CD38: variants seen among roughly 807,000 people sequenced by gnomAD.
CD38 encodes the protein CD38 molecule.
A neutral mutation model predicts 36.3 loss-of-function variants in CD38; 31 were observed. That is an observed-to-expected ratio of 0.85 (90% CI 0.64 to 1.15). The LOEUF (loss-of-function observed/expected upper bound fraction) is 1.15, where lower values mean the gene tolerates loss of function less well. Ranked by LOEUF, CD38 falls within the 50% of genes most tolerant of loss-of-function variation. The pLI, the probability that CD38 is intolerant of heterozygous loss-of-function variation, is 0.00. For synonymous variants in CD38, 131 were observed against 135.2 expected, an observed-to-expected ratio of 0.97 and a Z score of 0.22; for missense variants, 380 against 371.9, an observed-to-expected ratio of 1.02 and a Z score of -0.18.
At chr4:15,781,963 T>C (rs1722707454) in intron 1 of CD38, among the ~76,000 whole-genome samples, 1 of 152,194 alleles carries the variant, frequency 6.6e-6, no homozygotes, top group African/African-American at 2.4e-5. Flanking sequence ...TTTCACTTGG[T>C]GTCAGCTGGG....
intron 1 of CD38, among the ~76,000 whole-genome samples, chr4:15,780,516 T>TCACA (rs1178093082): frequency 3.6e-5 from 4 of 112,448 alleles, no homozygotes; most frequent in East Asian, 2.5e-4. Flanking sequence ...ATATTCTCTC[T>TCACA]CTCACACACA....
intron 3 of CD38, among the ~76,000 whole-genome samples, chr4:15,829,874 A>G (rs1183655067): frequency 2.6e-5 from 4 of 152,224 alleles, no homozygotes; most frequent in Non-Finnish European, 5.9e-5. Flanking sequence ...TATTTCACTT[A>G]ACATAATGAC....
At chr4:15,787,063 C>G (rs1039320175) in intron 1 of CD38, among the ~76,000 whole-genome samples, 1 of 152,194 alleles carries the variant, frequency 6.6e-6, no homozygotes, top group African/African-American at 2.4e-5. Flanking sequence ...ACCTGGAACT[C>G]GCGCTGGCCC....
intron 2 of CD38, among the ~76,000 whole-genome samples, chr4:15,818,484 C>T (rs1723654998): frequency 1.3e-5 from 2 of 152,212 alleles, no homozygotes; most frequent in Non-Finnish European, 2.9e-5. Context: ...ATTCTCCCAG[C>T]ACAGCACACC....
chr4:15,834,206 A>G lies in CD38; in HGVS notation c.500-11A>G, dbSNP rs1466361138. 9 of 1,545,086 alleles carry G rather than the reference A, an allele frequency of 5.8e-6. No individual in the cohort carries two copies. The highest frequency in any genetic ancestry group is 5.0e-5 in the Admixed American group (3 of 59,894). On this transcript the variant is annotated splice_polypyrimidine_tract_variant and intron_variant, in intron 3 of 7. Transcript: ENST00000226279. ...TTTTCCACTTTATTTTCTACAAACT[A>G]TGTCTTTTAGAAATAAACTATCAAT...
chr4:15,835,563 A>G (rs1724052617), intron 4 of CD38, among the ~76,000 whole-genome samples: 1 of 151,678 alleles, frequency 6.6e-6, no homozygotes, highest in Non-Finnish European at 1.5e-5. Flanking sequence ...TTTTCAGTAG[A>G]GACGGAGTTT....
intron 3 of CD38, among the ~76,000 whole-genome samples, chr4:15,828,327 T>C (rs1577655832): frequency 6.6e-6 from 1 of 152,204 alleles, no homozygotes; most frequent in Non-Finnish European, 1.5e-5. Context: ...CAAATACTTA[T>C]TTTTTGTAGT....
rs1166985624 is a variant in CD38 at position 15,826,797 on chromosome 4, T to C, written c.499+1781T>C. ...GTATATGAGATAGTTTATTTACCTA[T>C]ATCCCCACTAACACCAGGTATTGTT... On this transcript the variant is annotated intron_variant, in intron 3 of 7. Coordinates refer to ENST00000226279, the MANE Select transcript of CD38 (RefSeq NM_001775.4). 2.0e-5 allele frequency among the ~76,000 whole-genome samples: 3 copies of C among 152,276 alleles called. No homozygotes were observed. The East Asian group carries it at 5.8e-4, about 29-fold the overall frequency.
At chr4:15,815,495 A>T (rs1184836057) in intron 1 of CD38, among the ~76,000 whole-genome samples, 1 of 151,998 alleles carries the variant, frequency 6.6e-6, no homozygotes, top group Non-Finnish European at 1.5e-5. Flanking sequence ...TGTAAGTTGT[A>T]TTCCTAGGTA....
At chr4:15,808,963 T>G (rs1438697453) in intron 1 of CD38, among the ~76,000 whole-genome samples, 1 of 152,212 alleles carries the variant, frequency 6.6e-6, no homozygotes, top group Admixed American at 6.5e-5. Flanking sequence ...GTATGTGGTC[T>G]GGACTTGGAC....
At chr4:15,822,377 C>T (rs752370419) in intron 2 of CD38, among the ~76,000 whole-genome samples, 2 of 151,914 alleles carry the variant, frequency 1.3e-5, no homozygotes, top group African/African-American at 4.8e-5. Context: ...AAAGTCTTTT[C>T]AAATGGAAAA....
intron 1 of CD38, among the ~76,000 whole-genome samples, chr4:15,788,068 A>C (rs1368897230): frequency 6.6e-6 from 1 of 152,190 alleles, no homozygotes. Context: ...CTGACCTTTC[A>C]AAAGGTCTTC....
At chr4:15,798,397 C>T (rs1723145782) in intron 1 of CD38, among the ~76,000 whole-genome samples, 1 of 152,170 alleles carries the variant, frequency 6.6e-6, no homozygotes, top group Non-Finnish European at 1.5e-5. Context: ...GGCAAGAGCA[C>T]ACCCCCATTT....
At position 15,791,136 on chromosome 4, in the gene CD38, C is replaced by G. The variant is rs1379476129; in HGVS notation, c.233+12489C>G. ...CCGCCCCTACTGGGAAGTGAGGAGC[C>G]CCTCTGCCCGGCCAGCCGCCCCGTC... is the stretch of plus-strand genomic sequence containing the variant. On this transcript the variant is annotated intron_variant, in intron 1 of 7. Coordinates refer to ENST00000226279, the MANE Select transcript of CD38 (RefSeq NM_001775.4). Among the ~76,000 whole-genome samples, 7 of 117,752 alleles carry G rather than the reference C, an allele frequency of 5.9e-5. No individual in the cohort carries two copies. In the East Asian group the frequency reaches 1.5e-3, roughly 26 times the overall value. The allele number at this position is 117,752 out of a possible 152,430, so 77.2% of individuals were successfully genotyped here. A position where few individuals can be genotyped will look rare whatever the true frequency, so the allele number is the denominator to read the frequency against.
At chr4:15,825,618 G>C (rs1436276263) in intron 3 of CD38, 2 of 152,228 alleles carry the variant, frequency 1.3e-5, no homozygotes, top group Non-Finnish European at 2.9e-5. Flanking sequence ...CTGTTTTCTT[G>C]AAAAATTGAC....
At chr4:15,804,506 A>G (rs1418449472) in intron 1 of CD38, among the ~76,000 whole-genome samples, 1 of 152,202 alleles carries the variant, frequency 6.6e-6, no homozygotes, top group Admixed American at 6.5e-5. Flanking sequence ...ATAATAATGA[A>G]GATATGGAAT....
chr4:15,825,290 T>A, intron 3 of CD38: 1 of 367,618 alleles, frequency 2.7e-6, no homozygotes, highest in South Asian at 4.3e-5. Flanking sequence ...TGAGGCTGTT[T>A]CCACTCATGG....
intron 1 of CD38, among the ~76,000 whole-genome samples, chr4:15,795,017 T>C (rs1352655746): frequency 6.6e-6 from 1 of 152,156 alleles, no homozygotes; most frequent in Non-Finnish European, 1.5e-5. Context: ...TAAATAGGTA[T>C]CAGTTGAATT....
rs1560303212 is a variant in CD38, at chr4:15,778,683, C to CGCACCGGT, written c.233+37_233+38insCACCGGTG. 6.9e-7 allele frequency: 1 copy of CGCACCGGT among 1,447,410 alleles called. No individual in the cohort carries two copies. The highest frequency in any genetic ancestry group is 1.7e-5 in the Admixed American group (1 of 58,180). 89.7% of individuals were successfully genotyped at this position (1,447,410 alleles called of 1,614,324 possible). A position where few individuals can be genotyped will look rare whatever the true frequency, so the allele number is the denominator to read the frequency against. ...GACTAAGGCGCACCGGTGGGCACTG[C>CGCACCGGT]GGGGACAGCAGGGCCCCGCGCGCAG... On this transcript the variant is annotated intron_variant, in intron 1 of 7. Transcript: ENST00000226279. The surrounding 1 kb of genome is among the most constrained non-coding windows in gnomAD (Gnocchi z 4.9).
Sources: gnomAD v4.1 joint callset for allele counts (sites outside exome capture counted in the v4.1 genomes callset) on GRCh38, gnomAD v4.1.1 for gene constraint, Gnocchi (gnomAD v3.1) non-coding constraint, MANE v1.5 for transcripts, NCBI Gene and HGNC (gene_info 2026-07-23, HGNC 2026-07-21) for gene names.